XPO4: variants seen among roughly 807,000 people sequenced by gnomAD.
XPO4 encodes exportin 4.
A neutral mutation model predicts 143.0 loss-of-function variants in XPO4; 39 were observed. The observed-to-expected ratio is 0.27, with a 90% CI of 0.21 to 0.36. XPO4 has a LOEUF of 0.36. Ranked by LOEUF, XPO4 falls within the 10% of genes least tolerant of loss-of-function variation. XPO4 has a pLI of 1.00. For synonymous variants in XPO4, 439 were observed against 474.0 expected, an observed-to-expected ratio of 0.93 and a Z score of 0.96; for missense variants, 907 against 1,348.0, an observed-to-expected ratio of 0.67 and a Z score of 5.12.
At chr13:20,865,070 C>T (rs2060233310) in intron 2 of XPO4, among the ~76,000 whole-genome samples, 1 of 151,984 alleles carries the variant, frequency 6.6e-6, no homozygotes. Context: ...ATGAGCTTTA[C>T]TTTCGCTCTC....
intron 19 of XPO4, 65 bp downstream of exon 19, chr13:20,790,397 G>T: frequency 8.2e-7 from 1 of 1,226,738 alleles, no homozygotes; most frequent in Non-Finnish European, 1.2e-6. Context: ...ATATATTCTT[G>T]TCTAAAGTAT....
At chr13:20,841,218 A>G (rs2059970346) in intron 6 of XPO4, among the ~76,000 whole-genome samples, 3 of 152,206 alleles carry the variant, frequency 2.0e-5, no homozygotes, top group South Asian at 4.1e-4. Context: ...AGGTTTTTCA[A>G]TATCTTTTCT....
At chr13:20,874,993 C>A (rs892812691) in intron 1 of XPO4, among the ~76,000 whole-genome samples, 1 of 149,924 alleles carries the variant, frequency 6.7e-6, no homozygotes. Context: ...GACTCCGTCT[C>A]AAAAAAAAAA....
At chr13:20,841,273 C>T (rs1173112029) in intron 6 of XPO4, among the ~76,000 whole-genome samples, 1 of 152,180 alleles carries the variant, frequency 6.6e-6, no homozygotes, top group Admixed American at 6.5e-5. Context: ...TCCAATCTCT[C>T]TCCCCAACTG....
At chr13:20,883,628 T>A (rs2060434183) in intron 1 of XPO4, among the ~76,000 whole-genome samples, 2 of 152,184 alleles carry the variant, frequency 1.3e-5, no homozygotes. Context: ...GAAAGCATGT[T>A]CCTACAAATA....
intron 9 of XPO4, 105 bp from the exon 10 acceptor site, chr13:20,810,072 A>G: frequency 1.1e-6 from 1 of 930,080 alleles, no homozygotes; most frequent in Non-Finnish European, 1.5e-6. Context: ...CCTTTAACAG[A>G]GCTTCCCAAT....
At chr13:20,802,255 G>A (rs1345304505) in intron 13 of XPO4, among the ~76,000 whole-genome samples, 2 of 152,006 alleles carry the variant, frequency 1.3e-5, no homozygotes, top group African/African-American at 2.4e-5. Flanking sequence ...ACAGGGTTTC[G>A]TCATGTCACC....
intron 1 of XPO4, among the ~76,000 whole-genome samples, chr13:20,874,698 C>G (rs895308242): frequency 3.3e-5 from 5 of 152,180 alleles, no homozygotes; most frequent in Admixed American, 3.3e-4. Context: ...TGAACCAAAT[C>G]AACTTCTGTT....
chr13:20,790,352 C>A, intron 19 of XPO4, 110 bp downstream of exon 19: 1 of 846,818 alleles, frequency 1.2e-6, no homozygotes, highest in South Asian at 1.5e-5. Context: ...TCTTCATGTG[C>A]ACTTAGCAGA....
chr13:20,786,890 A>AC (rs1266458862), intron 22 of XPO4, 75 bp downstream of exon 22: 6 of 1,223,324 alleles, frequency 4.9e-6, no homozygotes, highest in Admixed American at 5.3e-5. Context: ...GGGATTAATG[A>AC]CCCACCATCT....
At chr13:20,794,441 T>G (rs2059329702) in intron 18 of XPO4, among the ~76,000 whole-genome samples, 1 of 152,220 alleles carries the variant, frequency 6.6e-6, no homozygotes, top group African/African-American at 2.4e-5. Flanking sequence ...ATATACATGT[T>G]TTAGCTCTGG....
At chr13:20,899,475 T>C (rs1039277821) in intron 1 of XPO4, among the ~76,000 whole-genome samples, 6 of 152,170 alleles carry the variant, frequency 3.9e-5, no homozygotes, top group Non-Finnish European at 7.4e-5. Flanking sequence ...GAACCTCAGT[T>C]TCCCCATCTG....
rs576468706 is a variant in XPO4, at chr13:20,790,257, T to C, written c.2916+205A>G. ...CTAATGTATGGGTGCCTGCAGGACT[T>C]TGGGGCAGAAACAGAGACTAAGTAA... On this transcript the variant is annotated intron_variant, in intron 19 of 22. Coordinates refer to ENST00000255305, the MANE Select transcript of XPO4 (RefSeq NM_022459.5). Among the ~76,000 whole-genome samples the C allele has an allele frequency of 1.8e-4, 28 of 152,282 alleles. 1 individual carries two copies. The South Asian group carries it at 4.8e-3, about 26-fold the overall frequency.
At chr13:20,811,115 C>T (rs140948742) in intron 9 of XPO4, among the ~76,000 whole-genome samples, 37 of 151,990 alleles carry the variant, frequency 2.4e-4, no homozygotes, top group African/African-American at 8.2e-4. Flanking sequence ...CAGAGAGAGC[C>T]GGTGGACCTG....
chr13:20,860,315 C>T (rs1173617608), intron 3 of XPO4, among the ~76,000 whole-genome samples: 1 of 152,126 alleles, frequency 6.6e-6, no homozygotes, highest in Non-Finnish European at 1.5e-5. Context: ...AACACAGAGG[C>T]CCTAAGGCTT....
intron 22 of XPO4, among the ~76,000 whole-genome samples, chr13:20,786,675 T>C (rs1227627859): frequency 6.6e-6 from 1 of 152,184 alleles, no homozygotes; most frequent in Admixed American, 6.5e-5. Flanking sequence ...TCCTCATTCC[T>C]AGCACAGTTG....
chr13:20,829,130 T>C (rs1383083027), intron 6 of XPO4, among the ~76,000 whole-genome samples: 1 of 152,208 alleles, frequency 6.6e-6, no homozygotes, highest in Non-Finnish European at 1.5e-5. Flanking sequence ...TGTTTGTTTG[T>C]TTGTTTTTAA....
chr13:20,848,420 C>A (rs984491154), intron 4 of XPO4: 1 of 985,108 alleles, frequency 1.0e-6, no homozygotes, highest in Non-Finnish European at 1.2e-6. Context: ...GGGCTACCAC[C>A]CTCTGCCATA....
intron 2 of XPO4, among the ~76,000 whole-genome samples, chr13:20,867,968 A>G (rs1303210673): frequency 1.3e-5 from 2 of 152,334 alleles, no homozygotes; most frequent in Admixed American, 1.3e-4. Context: ...TAACTCTTAG[A>G]AAATGCCATC....
Sources: allele counts gnomAD v4.1 joint callset (sites outside exome capture counted in the v4.1 genomes callset), GRCh38; gene constraint gnomAD v4.1.1; transcripts MANE v1.5; gene names NCBI Gene and HGNC (gene_info 2026-07-23, HGNC 2026-07-21).